NKAIN2: variants seen among roughly 807,000 people sequenced by gnomAD.
NKAIN2 encodes the protein sodium/potassium-transporting ATPase subunit beta-1-interacting protein 2.
Under a neutral mutation model 32.6 loss-of-function variants are expected in NKAIN2, and 14 were observed. The observed-to-expected ratio is 0.43, with a 90% CI of 0.28 to 0.67. The LOEUF is 0.67. Ranked by LOEUF, NKAIN2 falls within the 30% of genes least tolerant of loss-of-function variation. The pLI is 0.17. For missense variants in NKAIN2, 198 were observed against 258.3 expected (o/e 0.77, Z 1.60); for synonymous variants, 80 against 87.2 (o/e 0.92, Z 0.46).
intron 1 of NKAIN2, among the ~76,000 whole-genome samples, chr6:124,059,612 T>C (rs957895477): frequency 1.3e-5 from 2 of 152,152 alleles, no homozygotes; most frequent in Non-Finnish European, 2.9e-5. Context: ...TCAGCACATG[T>C]GAATGCATCC....
At chr6:124,186,746 T>A (rs1349644668) in intron 1 of NKAIN2, among the ~76,000 whole-genome samples, 2 of 152,212 alleles carry the variant, frequency 1.3e-5, no homozygotes. Flanking sequence ...AAAATGTCCA[T>A]GTATTCATTT....
At chr6:124,167,126 G>C (rs866433230) in intron 1 of NKAIN2, among the ~76,000 whole-genome samples, 1 of 143,568 alleles carries the variant, frequency 7.0e-6, no homozygotes, top group African/African-American at 2.6e-5. Context: ...CCATTTTCAC[G>C]ATATTGATTC....
chr6:124,369,880 AT>A (rs61588781), intron 3 of NKAIN2, among the ~76,000 whole-genome samples: 2,146 of 82,400 alleles, frequency 0.026, 65 homozygotes, highest in Middle Eastern at 0.067. Context: ...CAGAATGTCA[AT>A]TTTTTTTTTT....
At chr6:124,494,537 C>T (rs1236342194) in intron 3 of NKAIN2, among the ~76,000 whole-genome samples, 1 of 152,022 alleles carries the variant, frequency 6.6e-6, no homozygotes, top group Non-Finnish European at 1.5e-5. Context: ...TAGAACACTG[C>T]ATGTGTAATT....
intron 1 of NKAIN2, among the ~76,000 whole-genome samples, chr6:123,862,251 A>T (rs752986362): frequency 3.3e-5 from 5 of 152,166 alleles, no homozygotes; most frequent in Non-Finnish European, 5.9e-5. Context: ...CATGTCACTG[A>T]AGTTCACTAT....
chr6:124,575,766 TA>T (rs1194011944), intron 3 of NKAIN2, among the ~76,000 whole-genome samples: 1 of 152,242 alleles, frequency 6.6e-6, no homozygotes, highest in Non-Finnish European at 1.5e-5. Context: ...TGAAAGCTAG[TA>T]CTGCTTCTCT....
chr6:124,118,090 A>G (rs533363236), intron 1 of NKAIN2, among the ~76,000 whole-genome samples: 12 of 152,064 alleles, frequency 7.9e-5, no homozygotes, highest in Non-Finnish European at 1.5e-4. Flanking sequence ...TGGAGGTTTA[A>G]ACAGAGCCCT....
intron 1 of NKAIN2, among the ~76,000 whole-genome samples, chr6:123,971,434 A>G (rs1778335994): frequency 6.6e-6 from 1 of 152,072 alleles, no homozygotes; most frequent in Non-Finnish European, 1.5e-5. Context: ...TTTTGCACAC[A>G]TACTGCTTTT....
At chr6:124,264,697 TA>T (rs1794408408) in intron 1 of NKAIN2, among the ~76,000 whole-genome samples, 1 of 152,220 alleles carries the variant, frequency 6.6e-6, no homozygotes, top group African/African-American at 2.4e-5. Flanking sequence ...GAATAGCAGC[TA>T]CCATAGCCTT....
chr6:124,555,543 A>G (rs1006590111), intron 3 of NKAIN2, among the ~76,000 whole-genome samples: 4 of 152,128 alleles, frequency 2.6e-5, no homozygotes, highest in African/African-American at 4.8e-5. Context: ...CCCTTTCTCT[A>G]AATTATGGAT....
intron 3 of NKAIN2, among the ~76,000 whole-genome samples, chr6:124,465,998 C>G (rs1465841301): frequency 6.6e-6 from 1 of 151,942 alleles, no homozygotes; most frequent in Non-Finnish European, 1.5e-5. Flanking sequence ...AAAACAAACT[C>G]ACATGTATCA....
At chr6:123,996,629 G>A (rs1779630597) in intron 1 of NKAIN2, among the ~76,000 whole-genome samples, 1 of 152,048 alleles carries the variant, frequency 6.6e-6, no homozygotes, top group Admixed American at 6.6e-5. Context: ...CCATATTTCA[G>A]TGATAATGCC....
chr6:123,845,143 G>T (rs1033908620), intron 1 of NKAIN2, among the ~76,000 whole-genome samples: 1 of 152,162 alleles, frequency 6.6e-6, no homozygotes, highest in African/African-American at 2.4e-5. Context: ...TATACGCTTG[G>T]AGTGAATCAA....
chr6:124,746,267 G>T (rs1197606966), intron 4 of NKAIN2, among the ~76,000 whole-genome samples: 1 of 151,676 alleles, frequency 6.6e-6, no homozygotes, highest in Non-Finnish European at 1.5e-5. Flanking sequence ...CTACCTGTGA[G>T]GGCAGGAGAA....
intron 1 of NKAIN2, among the ~76,000 whole-genome samples, chr6:123,857,860 C>T (rs1320763468): frequency 6.6e-6 from 1 of 150,452 alleles, no homozygotes; most frequent in Non-Finnish European, 1.5e-5. Flanking sequence ...AGTCAGCTGC[C>T]CCATATGTCA....
chr6:123,867,028 A>G (rs960381677), intron 1 of NKAIN2, among the ~76,000 whole-genome samples: 62 of 152,300 alleles, frequency 4.1e-4, no homozygotes, highest in African/African-American at 1.4e-3. Context: ...ATTCCTAAAC[A>G]GACCTTCCTT....
At chr6:124,671,300 T>C (rs1773089275) in intron 4 of NKAIN2, among the ~76,000 whole-genome samples, 1 of 152,118 alleles carries the variant, frequency 6.6e-6, no homozygotes, top group Admixed American at 6.6e-5. Context: ...ATTATTGAGG[T>C]TATAACGTTA....
intron 4 of NKAIN2, among the ~76,000 whole-genome samples, chr6:124,766,273 A>G (rs966661286): frequency 6.6e-6 from 1 of 152,144 alleles, no homozygotes; most frequent in African/African-American, 2.4e-5. Flanking sequence ...AGGACTTTTG[A>G]GACTGTCGAG....
At chr6:123,923,673 C>A (rs910999994) in intron 1 of NKAIN2, among the ~76,000 whole-genome samples, 2 of 150,950 alleles carry the variant, frequency 1.3e-5, no homozygotes, top group Admixed American at 6.6e-5. Context: ...CCATTATTCT[C>A]AGTAAACTAT....
Sources: allele counts gnomAD v4.1 joint callset (sites outside exome capture counted in the v4.1 genomes callset), GRCh38; gene constraint gnomAD v4.1.1; transcripts MANE v1.5; gene names NCBI Gene and HGNC (gene_info 2026-07-23, HGNC 2026-07-21).